The following ANK2 variants were observed in gnomAD, a reference collection of about 807,000 sequenced individuals.
ANK2 encodes the protein ankyrin 2, also known as ankyrin-2.
Under a neutral mutation model 360.5 loss-of-function variants are expected in ANK2, and 83 were observed. That is an observed-to-expected ratio of 0.23 (90% confidence interval 0.19 to 0.28). The LOEUF is 0.28. Among genes scored for constraint, ANK2 ranks in the 10% least tolerant of loss-of-function variants. The pLI is 1.00. For synonymous variants in ANK2, 1,740 were observed against 1,759.5 expected, an observed-to-expected ratio of 0.99 and a Z score of 0.28; for missense variants, 4,201 against 4,795.7, an observed-to-expected ratio of 0.88 and a Z score of 3.66.
intron 13 of ANK2, among the ~76,000 whole-genome samples, chr4:113,262,524 C>G (rs984825424): frequency 6.6e-6 from 1 of 152,156 alleles, no homozygotes; most frequent in Non-Finnish European, 1.5e-5. Context: ...GCCACTGCAA[C>G]TGGTCTTGTT....
At chr4:112,715,746 T>G in the ANK2 span, among the ~76,000 whole-genome samples, 3 of 152,116 alleles carry the variant, frequency 2.0e-5, no homozygotes. Flanking sequence ...CTAGAACTTC[T>G]CACTCTGGGC....
At chr4:113,204,128 A>G (rs968141660) in intron 4 of ANK2, among the ~76,000 whole-genome samples, 1 of 152,110 alleles carries the variant, frequency 6.6e-6, no homozygotes. Flanking sequence ...TTTTTTCTTT[A>G]GATACTTATT....
chr4:113,192,939 A>C (rs1326261865), intron 2 of ANK2, among the ~76,000 whole-genome samples: 1 of 151,252 alleles, frequency 6.6e-6, no homozygotes, highest in Non-Finnish European at 1.5e-5. Context: ...AAAAAAAAAA[A>C]AACAACCCTT....
At chr4:112,974,080 A>T (rs2040524650) in intron 2 of ANK2, among the ~76,000 whole-genome samples, 1 of 152,208 alleles carries the variant, frequency 6.6e-6, no homozygotes, top group African/African-American at 2.4e-5. Context: ...AATTTAAATT[A>T]TGTATTGGAA....
At chr4:113,196,299 T>G in intron 2 of ANK2, 69 bp from the exon 3 acceptor site, 1 of 1,196,966 alleles carries the variant, frequency 8.4e-7, no homozygotes, top group Non-Finnish European at 1.2e-6. Context: ...GTTATATGCT[T>G]GAGTAGGATC....
chr4:113,163,777 AAAAAAAAAAAAAAAAG>A (rs560260567), intron 1 of ANK2, among the ~76,000 whole-genome samples: 18,063 of 139,518 alleles, frequency 0.13, 1,508 homozygotes, highest in Non-Finnish European at 0.19. Context: ...AAAAAAAAAA[AAAAAAAAAAAAAAAAG>A]AAAACCCAGC....
Position 112,994,463 on chromosome 4 carries a change from T to G in ANK2, c.21+89949T>G, listed in dbSNP as rs551706531. The stretch of plus-strand genomic sequence containing the variant: ...CTATCTCAGCTAGGTCAACAATTCA[T>G]AGGAGAATAAGCTAAAAAGTATTGT... On this transcript the variant is annotated intron_variant, in intron 2 of 30. Coordinates refer to the ANK2 transcript ENST00000503271. 2.6e-3 allele frequency among the ~76,000 whole-genome samples: 391 copies of G among 152,300 alleles called. 3 individuals carry two copies. Among genetic ancestry groups the G allele is most frequent in the African/African-American group, 9.0e-3 (372 of 41,562 alleles).
the ANK2 span, among the ~76,000 whole-genome samples, chr4:112,806,384 A>G: frequency 6.6e-6 from 1 of 152,178 alleles, no homozygotes; most frequent in Non-Finnish European, 1.5e-5. Context: ...ACAGCATTTC[A>G]TTCTTCTTAT....
the ANK2 span, among the ~76,000 whole-genome samples, chr4:112,741,123 C>A: frequency 6.6e-6 from 1 of 152,082 alleles, no homozygotes; most frequent in African/African-American, 2.4e-5. Context: ...AGCCACCATG[C>A]CTGGCAAAAG....
chr4:113,336,142 G>A, intron 30 of ANK2, 85 bp downstream of exon 30: 1 of 1,393,758 alleles, frequency 7.2e-7, no homozygotes, highest in South Asian at 1.2e-5. Flanking sequence ...TGTTACCTTT[G>A]TTTTATAATC....
intron 1 of ANK2, among the ~76,000 whole-genome samples, chr4:112,843,177 C>T (rs1165304145): frequency 6.6e-6 from 1 of 152,186 alleles, no homozygotes; most frequent in Non-Finnish European, 1.5e-5. Context: ...TATAAAATGA[C>T]ATTTAAGGGT....
At chr4:112,814,437 T>TTTG (rs1560631342), upstream of ANK2, among the ~76,000 whole-genome samples, 15 of 39,436 alleles carry the variant, frequency 3.8e-4, no homozygotes, top group African/African-American at 9.9e-4. Context: ...TTTTTTGTTT[T>TTTG]TTTGTTTGTT....
At chr4:113,348,167 G>A (rs2095084066) in intron 35 of ANK2, 109 bp from the exon 36 acceptor site, 3 of 1,088,108 alleles carry the variant, frequency 2.8e-6, no homozygotes, top group Admixed American at 1.9e-5. Flanking sequence ...ATGCTTGCCT[G>A]TTGATGCTTG....
chr4:112,762,976 A>T, the ANK2 span, among the ~76,000 whole-genome samples: 1 of 152,264 alleles, frequency 6.6e-6, no homozygotes, highest in Non-Finnish European at 1.5e-5. Context: ...GTTTAATTCT[A>T]AATTCAACGT....
chr4:112,882,971 A>G (rs766379029), intron 1 of ANK2, among the ~76,000 whole-genome samples: 31 of 144,630 alleles, frequency 2.1e-4, no homozygotes, highest in Non-Finnish European at 2.1e-4. Context: ...AATGGCTGCA[A>G]TGTGCTCCGT....
intron 1 of ANK2, among the ~76,000 whole-genome samples, chr4:113,100,273 A>G (rs1281014996): frequency 6.6e-6 from 1 of 152,098 alleles, no homozygotes; most frequent in Non-Finnish European, 1.5e-5. Flanking sequence ...TTCAAACTCA[A>G]CAACAAGAAA....
At chr4:112,895,759 G>C (rs971727132) in intron 1 of ANK2, among the ~76,000 whole-genome samples, 4 of 152,128 alleles carry the variant, frequency 2.6e-5, no homozygotes, top group Non-Finnish European at 5.9e-5. Context: ...CACAAAATCT[G>C]TCCTCAAACC....
intron 32 of ANK2, 43 bp downstream of exon 32, chr4:113,339,365 C>G: frequency 1.3e-6 from 2 of 1,530,140 alleles, no homozygotes; most frequent in Non-Finnish European, 1.8e-6. Flanking sequence ...GATATGTTAC[C>G]CTCCAAAAAA....
intron 2 of ANK2, among the ~76,000 whole-genome samples, chr4:113,191,918 T>G (rs780296372): frequency 3.3e-5 from 5 of 152,138 alleles, no homozygotes; most frequent in Admixed American, 6.6e-5. Flanking sequence ...GAACCCCAAA[T>G]GTGGACACGA....
Sources: allele counts gnomAD v4.1 joint callset (sites outside exome capture counted in the v4.1 genomes callset), GRCh38; gene constraint gnomAD v4.1.1; transcripts MANE v1.5; gene names NCBI Gene and HGNC (gene_info 2026-07-23, HGNC 2026-07-21).